The following CFAP47 variants were observed in gnomAD, a reference collection of about 807,000 sequenced individuals.
The protein encoded by CFAP47 is cilia and flagella associated protein 47, also known as cilia- and flagella-associated protein 47.
In CFAP47, 29 loss-of-function variants were observed where a neutral mutation model predicts 148.1. That is an observed-to-expected ratio of 0.20 (90% CI 0.15 to 0.27). The LOEUF is 0.27. Ranked by LOEUF, CFAP47 falls within the 10% of genes least tolerant of loss-of-function variation. CFAP47 has a pLI of 1.00. For synonymous variants in CFAP47, 664 were observed against 577.3 expected (o/e 1.15, Z -2.15); for missense variants, 1,872 against 1,697.5 (o/e 1.10, Z -1.81).
intron 49 of CFAP47, among the ~76,000 whole-genome samples, chrX:36,277,692 G>A (rs1204181592): frequency 3.6e-5 from 4 of 112,194 alleles, no homozygotes; most frequent in African/African-American, 1.3e-4. Context: ...CAGTATTAAA[G>A]ATACTGGAAA....
chrX:36,358,802 G>A (rs1204372414), intron 60 of CFAP47, among the ~76,000 whole-genome samples: 1 of 111,373 alleles, frequency 9.0e-6, no homozygotes, highest in Non-Finnish European at 1.9e-5. Context: ...AGTAATTCCT[G>A]CAGGCTGCTT....
At chrX:36,321,417 T>C (rs1208731481) in intron 57 of CFAP47, among the ~76,000 whole-genome samples, 1 of 111,302 alleles carries the variant, frequency 9.0e-6, no homozygotes, top group Non-Finnish European at 1.9e-5. Context: ...GGCAGGTTGA[T>C]GGGTACCAAA....
At chrX:36,280,767 T>C in intron 50 of CFAP47, 137 bp downstream of exon 50, 1 of 335,955 alleles carries the variant, frequency 3.0e-6, no homozygotes. Flanking sequence ...AATTTTATTA[T>C]TTCAGTATTA....
At chrX:36,007,011 A>C (rs979792222) in intron 21 of CFAP47, among the ~76,000 whole-genome samples, 1 of 111,616 alleles carries the variant, frequency 9.0e-6, no homozygotes, top group African/African-American at 3.3e-5. Flanking sequence ...ACTAGTATAG[A>C]TCTTTCCCTA....
rs1168892302 is a variant in CFAP47, at chrX:36,181,412, TA to T, written c.6104+1991del. On this transcript the variant is annotated intron_variant, in intron 40 of 63. Transcript: ENST00000378653. ...TAGAGCAAACAATTATAAAAGCATT[TA>T]CAATTTAATTTTTCCAGGAAAGGAA... Among the ~76,000 whole-genome samples, 4 of 111,424 alleles carry T rather than the reference TA, an allele frequency of 3.6e-5. No individual in the cohort carries two copies. The East Asian group carries it at 1.1e-3, about 31-fold the overall frequency.
At chrX:36,243,647 G>GTATATATATA (rs58640112) in intron 48 of CFAP47, among the ~76,000 whole-genome samples, 99 of 64,234 alleles carry the variant, frequency 1.5e-3, no homozygotes, top group Non-Finnish European at 2.3e-3. Flanking sequence ...ATATGTGTGT[G>GTATATATATA]TATATATATA....
At chrX:36,213,372 A>G (rs1275620266) in intron 45 of CFAP47, among the ~76,000 whole-genome samples, 1 of 111,409 alleles carries the variant, frequency 9.0e-6, no homozygotes, top group Non-Finnish European at 1.9e-5. Flanking sequence ...CTGGATGTAC[A>G]TCAGTGGTAC....
At chrX:36,156,547 ATG>A (rs1234309459) in intron 37 of CFAP47, among the ~76,000 whole-genome samples, 1 of 110,777 alleles carries the variant, frequency 9.0e-6, no homozygotes, top group African/African-American at 3.3e-5. Flanking sequence ...ACTGACATTG[ATG>A]TGTTGTATAT....
At chrX:36,270,082 CCCT>C (rs1556001611) in intron 49 of CFAP47, among the ~76,000 whole-genome samples, 1 of 110,976 alleles carries the variant, frequency 9.0e-6, no homozygotes, top group African/African-American at 3.3e-5. Flanking sequence ...TGTTTTTTTC[CCCT>C]ATGTTTTGGC....
At chrX:36,237,087 T>A (rs1351202581) in intron 48 of CFAP47, among the ~76,000 whole-genome samples, 2 of 111,845 alleles carry the variant, frequency 1.8e-5, no homozygotes, top group African/African-American at 3.2e-5. Flanking sequence ...TATATAACTA[T>A]AAAGCACATT....
chrX:36,151,980 G>C (rs1357825142), intron 37 of CFAP47, among the ~76,000 whole-genome samples: 2 of 110,859 alleles, frequency 1.8e-5, no homozygotes, highest in Non-Finnish European at 3.8e-5. Context: ...GTGGTGGTAG[G>C]ATCAAGGCAA....
At chrX:36,371,593 A>C (rs1196240455) in intron 62 of CFAP47, among the ~76,000 whole-genome samples, 3 of 95,864 alleles carry the variant, frequency 3.1e-5, no homozygotes, top group Non-Finnish European at 6.3e-5. Flanking sequence ...ATGTGTATAC[A>C]TGTGTGTATA....
chrX:35,998,547 T>C (rs967304318), intron 19 of CFAP47, among the ~76,000 whole-genome samples: 10 of 111,891 alleles, frequency 8.9e-5, no homozygotes, highest in African/African-American at 2.9e-4. Context: ...CATACTGGTG[T>C]GGAGCTAAAT....
chrX:35,979,045 T>G (rs1463918771), intron 15 of CFAP47, among the ~76,000 whole-genome samples: 1 of 111,612 alleles, frequency 9.0e-6, no homozygotes, highest in East Asian at 2.8e-4. Flanking sequence ...TGGCGTCATC[T>G]CAGCTCACTG....
intron 22 of CFAP47, chrX:36,021,982 A>C (rs1321501154): frequency 2.7e-5 from 3 of 111,486 alleles, no homozygotes; most frequent in Non-Finnish European, 3.8e-5. Flanking sequence ...ATCCTTTTGC[A>C]GGGGCCATGC....
intron 29 of CFAP47, among the ~76,000 whole-genome samples, chrX:36,076,219 T>C (rs1937852391): frequency 9.3e-6 from 1 of 107,337 alleles, no homozygotes; most frequent in Admixed American, 1.0e-4. Context: ...AGGGTACATG[T>C]GCATAACGTG....
At chrX:35,959,157 G>A (rs1397574182) in intron 8 of CFAP47, among the ~76,000 whole-genome samples, 1 of 112,135 alleles carries the variant, frequency 8.9e-6, no homozygotes, top group Non-Finnish European at 1.9e-5. Context: ...TTGTCAACAA[G>A]ATTTTTGGTA....
At chrX:36,007,735 C>T (rs1388544770) in intron 21 of CFAP47, among the ~76,000 whole-genome samples, 1 of 111,684 alleles carries the variant, frequency 9.0e-6, no homozygotes, top group Non-Finnish European at 1.9e-5. Context: ...GTGAAGATGT[C>T]AGTTAAGAGA....
chrX:36,083,453 C>G (rs1938022639), intron 29 of CFAP47, among the ~76,000 whole-genome samples: 1 of 111,254 alleles, frequency 9.0e-6, no homozygotes, highest in Non-Finnish European at 1.9e-5. Context: ...GAAATGTCAC[C>G]TCCATTTCTG....
Sources: allele counts gnomAD v4.1 joint callset (sites outside exome capture counted in the v4.1 genomes callset), GRCh38; gene constraint gnomAD v4.1.1; transcripts MANE v1.5; gene names NCBI Gene and HGNC (gene_info 2026-07-23, HGNC 2026-07-21).